STIL: variants seen among roughly 807,000 people sequenced by gnomAD.
STIL encodes STIL centriolar assembly protein.
Under a neutral mutation model 110.1 loss-of-function variants are expected in STIL, and 55 were observed. The observed-to-expected ratio is 0.50, with a 90% CI of 0.40 to 0.63. STIL has a LOEUF of 0.63. STIL is among the 20% of genes least tolerant of loss of function. The pLI is 0.00. For synonymous variants in STIL, 481 were observed against 530.0 expected, an observed-to-expected ratio of 0.91 and a Z score of 1.27; for missense variants, 1,358 against 1,530.0, an observed-to-expected ratio of 0.89 and a Z score of 1.87.
At chr1:47,289,906 C>A (rs1645427737) in intron 8 of STIL, among the ~76,000 whole-genome samples, 1 of 145,498 alleles carries the variant, frequency 6.9e-6, no homozygotes, top group African/African-American at 2.6e-5. Flanking sequence ...CCACTGCACT[C>A]CAGCCTGGGC....
intron 12 of STIL, among the ~76,000 whole-genome samples, chr1:47,272,929 G>A (rs1216662465): frequency 6.6e-6 from 1 of 152,074 alleles, no homozygotes; most frequent in Non-Finnish European, 1.5e-5. Context: ...AATCAGAATT[G>A]CCCATGTTTG....
intron 12 of STIL, among the ~76,000 whole-genome samples, chr1:47,279,896 A>G (rs190913810): frequency 4.6e-5 from 7 of 152,316 alleles, no homozygotes; most frequent in African/African-American, 1.7e-4. Flanking sequence ...GAGATGAAGT[A>G]TAAGCCACTG....
intron 1 of STIL, among the ~76,000 whole-genome samples, chr1:47,312,068 GGA>G (rs1646141882): frequency 1.3e-5 from 2 of 151,736 alleles, no homozygotes; most frequent in Non-Finnish European, 2.9e-5. Flanking sequence ...GCAAGATAAA[GGA>G]GAAAAGGATT....
At position 47,269,950 on chromosome 1, in the gene STIL, A is replaced by G. The variant is rs534654735; in HGVS notation, c.2384-84T>C. On this transcript the variant is annotated intron_variant, in intron 13 of 16. Transcript: ENST00000371877. ...TGCCAAACCTTTGTTAAGAATAGCC[A>G]TATTGGCTGGGTGCAATGGCTCACG... The G allele has an allele frequency of 4.6e-5, 62 of 1,339,026 alleles. No homozygotes were observed. The African/African-American group carries it at 7.9e-4, about 17-fold the overall frequency. The allele number at this position is 1,339,026 out of a possible 1,614,324, so 82.9% of individuals were successfully genotyped here.
intron 12 of STIL, 142 bp downstream of exon 12, chr1:47,280,096 AGAG>A: frequency 9.3e-7 from 1 of 1,078,750 alleles, no homozygotes; most frequent in South Asian, 1.4e-5. Flanking sequence ...CTGTAAAACA[AGAG>A]GGCCTAGAAT....
intron 12 of STIL, among the ~76,000 whole-genome samples, chr1:47,276,432 A>T (rs2148922792): frequency 6.6e-6 from 1 of 152,170 alleles, no homozygotes; most frequent in Non-Finnish European, 1.5e-5. Context: ...ATATATATGA[A>T]TGATAAAGGA....
chr1:47,267,706 G>T (rs77945555), intron 14 of STIL, among the ~76,000 whole-genome samples: 6,901 of 52,888 alleles, frequency 0.13, 541 homozygotes, highest in African/African-American at 0.34. Context: ...TTTAGAATCC[G>T]TTTTTTGTTT....
intron 14 of STIL, among the ~76,000 whole-genome samples, chr1:47,264,783 AT>A (rs1644587137): frequency 6.6e-6 from 1 of 151,178 alleles, no homozygotes; most frequent in Admixed American, 6.6e-5. Context: ...TGGAGAAAGT[AT>A]TTAATCCAAA....
chr1:47,270,255 T>TATACACACACAC (rs775684329), intron 13 of STIL, among the ~76,000 whole-genome samples: 4 of 119,414 alleles, frequency 3.3e-5, no homozygotes, highest in African/African-American at 1.3e-4. Flanking sequence ...TATATATATA[T>TATACACACACAC]ACACACACAC....
intron 12 of STIL, among the ~76,000 whole-genome samples, chr1:47,278,051 G>A (rs1645041014): frequency 6.6e-6 from 1 of 152,020 alleles, no homozygotes; most frequent in South Asian, 2.1e-4. Flanking sequence ...TGCAATACTA[G>A]AACAGGAACA....
Position 47,262,958 on chromosome 1 carries a change from A to G in STIL, c.2774T>C (p.Met925Thr). The G allele has an allele frequency of 6.2e-7, 1 of 1,614,176 alleles. No individual in the cohort carries two copies. Among genetic ancestry groups the G allele is most frequent in the African/African-American group, 1.3e-5 (1 of 75,054 alleles). ...TSEEPKIEHV[M>T]QPLLHQPSDN... is the part of the protein sequence containing the mutation. The stretch of plus-strand genomic sequence containing the variant: ...TGATGGTTGATGAAGCAAGGGTTGC[A>G]TTACATGCTCAATTTTTGGTTCCTC... The change falls in exon 15 of 17, where the codon ATG becomes ACG. Residue 925 changes from methionine to threonine, a missense_variant. By Grantham distance (81) the Met-to-Thr change is moderately conservative. Transcript: ENST00000371877.
intron 12 of STIL, among the ~76,000 whole-genome samples, chr1:47,278,729 G>A (rs900398415): frequency 2.6e-5 from 4 of 151,864 alleles, no homozygotes; most frequent in African/African-American, 9.7e-5. Context: ...ACTCTGGGAG[G>A]TCAAAGCAGA....
chr1:47,296,108 T>C (rs539639628), intron 6 of STIL, among the ~76,000 whole-genome samples: 1 of 152,310 alleles, frequency 6.6e-6, no homozygotes, highest in South Asian at 2.1e-4. Flanking sequence ...TTTTTAAAAG[T>C]TTTGCTCTAT....
intron 2 of STIL, chr1:47,305,287 G>A (rs769289214): frequency 3.1e-5 from 9 of 290,896 alleles, no homozygotes; most frequent in East Asian, 9.0e-5. Flanking sequence ...CACCACACCC[G>A]GCTACTTTTT....
At chr1:47,313,872 T>A (rs1285851546) in intron 1 of STIL, among the ~76,000 whole-genome samples, 164 bp downstream of exon 1, 1 of 152,162 alleles carries the variant, frequency 6.6e-6, no homozygotes, top group Non-Finnish European at 1.5e-5. Flanking sequence ...ACCCAAGGAT[T>A]TCATGGACTG....
In STIL at chr1:47,254,725, G is replaced by A. The variant is rs537258469; in HGVS notation, c.3081-2803C>T. ...AAAAATTTTTCTTTTTGTAAAGATG[G>A]GGTCTCACTATGTTGTTCAGGCTGG... is the stretch of plus-strand genomic sequence containing the variant. On this transcript the variant is annotated intron_variant, in intron 16 of 16. Coordinates refer to ENST00000371877, the MANE Select transcript of STIL (RefSeq NM_001048166.1). Among the ~76,000 whole-genome samples, 9 of 152,064 alleles carry A rather than the reference G, an allele frequency of 5.9e-5. No individual in the cohort carries two copies. In the South Asian group the frequency reaches 1.9e-3, roughly 32 times the overall value.
intron 8 of STIL, among the ~76,000 whole-genome samples, chr1:47,290,191 A>C (rs1570211724): frequency 6.6e-6 from 1 of 152,312 alleles, no homozygotes; most frequent in Non-Finnish European, 1.5e-5. Context: ...TGATTTTTTT[A>C]CTTCAGTAAA....
chr1:47,279,988 A>T (rs1230223769), intron 12 of STIL, among the ~76,000 whole-genome samples: 2 of 152,192 alleles, frequency 1.3e-5, no homozygotes, highest in African/African-American at 2.4e-5. Context: ...TAAAAATACA[A>T]TTCTATTGTA....
intron 1 of STIL, among the ~76,000 whole-genome samples, chr1:47,311,188 C>T (rs76601430): frequency 0.046 from 7,017 of 151,874 alleles, 528 homozygotes; most frequent in African/African-American, 0.16. Flanking sequence ...TGGGTACTAT[C>T]CTCCACTCCC....
Sources: allele counts gnomAD v4.1 joint callset (sites outside exome capture counted in the v4.1 genomes callset), GRCh38; gene constraint gnomAD v4.1.1; transcripts MANE v1.5; gene names NCBI Gene and HGNC (gene_info 2026-07-23, HGNC 2026-07-21).